Variants in INPP5F observed in about 807,000 individuals in gnomAD.
INPP5F encodes inositol polyphosphate-5-phosphatase F, also known as phosphatidylinositide 4-phosphatase SAC2.
INPP5F carries 97 observed loss-of-function variants against 137.2 expected under a neutral mutation model. That is an observed-to-expected ratio of 0.71 (90% confidence interval 0.60 to 0.84). The LOEUF is 0.84. INPP5F is among the 40% of genes least tolerant of loss of function. INPP5F has a pLI of 0.00. For missense variants in INPP5F, 1,271 were observed against 1,371.9 expected (o/e 0.93, Z 1.16); for synonymous variants, 504 against 476.9 (o/e 1.06, Z -0.74).
chr10:119,790,918 C>T (rs1850118283), intron 3 of INPP5F, among the ~76,000 whole-genome samples: 1 of 152,208 alleles, frequency 6.6e-6, no homozygotes, highest in South Asian at 2.1e-4. Context: ...CGGCACTTCT[C>T]CTGCAGCCCC....
intron 2 of INPP5F, among the ~76,000 whole-genome samples, chr10:119,779,035 G>A (rs1849615410): frequency 6.6e-6 from 1 of 151,916 alleles, no homozygotes; most frequent in African/African-American, 2.4e-5. Flanking sequence ...TCTGTACCCC[G>A]TTTCCACCTA....
intron 6 of INPP5F, among the ~76,000 whole-genome samples, chr10:119,794,030 C>CT (rs1193911496): frequency 6.6e-6 from 1 of 152,132 alleles, no homozygotes; most frequent in Non-Finnish European, 1.5e-5. Flanking sequence ...TTTGCATTTT[C>CT]TTTTTTTATT....
At chr10:119,777,105 G>A (rs985084882) in intron 2 of INPP5F, among the ~76,000 whole-genome samples, 3 of 152,050 alleles carry the variant, frequency 2.0e-5, no homozygotes, top group Admixed American at 6.5e-5. Context: ...TGTGTTGCCA[G>A]GCTGTTTTTG....
intron 15 of INPP5F, among the ~76,000 whole-genome samples, chr10:119,813,055 C>T (rs1269054534): frequency 6.6e-6 from 1 of 152,140 alleles, no homozygotes; most frequent in Non-Finnish European, 1.5e-5. Context: ...CATCTTTCTT[C>T]AGTCAAGTGT....
chr10:119,748,222 C>A lies in INPP5F; in HGVS notation c.98-2854C>A, dbSNP rs1232103281. On this transcript the variant is annotated intron_variant, in intron 1 of 19. Coordinates refer to ENST00000650623, the MANE Select transcript of INPP5F (RefSeq NM_014937.4). The surrounding 1 kb of genome is among the most constrained non-coding windows in gnomAD (Gnocchi z 4.7). ...GTACAGGCACTGGCTTTGTGCAAGG[C>A]TGTGGCTGGACCAGGTGTACCACAA... Among the ~76,000 whole-genome samples the A allele has an allele frequency of 6.6e-6, 1 of 152,212 alleles. No individual in the cohort carries two copies. The highest frequency in any genetic ancestry group is 1.5e-5 in the Non-Finnish European group (1 of 68,044).
chr10:119,771,111 C>T (rs1207289088), intron 2 of INPP5F, among the ~76,000 whole-genome samples: 3 of 152,194 alleles, frequency 2.0e-5, no homozygotes, highest in Non-Finnish European at 4.4e-5. Flanking sequence ...ATTACCCCTA[C>T]ACCAGCTCCT....
At chr10:119,757,804 G>A (rs550952736) in intron 2 of INPP5F, among the ~76,000 whole-genome samples, 8 of 152,006 alleles carry the variant, frequency 5.3e-5, no homozygotes, top group African/African-American at 1.4e-4. Context: ...AAAAAAGAAT[G>A]GTAGTCAATT....
At chr10:119,729,465 G>T (rs1354799757) in intron 1 of INPP5F, among the ~76,000 whole-genome samples, 1 of 151,968 alleles carries the variant, frequency 6.6e-6, no homozygotes, top group Non-Finnish European at 1.5e-5. Flanking sequence ...GGGCTGTTTT[G>T]AATATATTTT....
intron 15 of INPP5F, among the ~76,000 whole-genome samples, chr10:119,818,310 A>G (rs1438082358): frequency 3.3e-5 from 5 of 152,254 alleles, no homozygotes; most frequent in Non-Finnish European, 5.9e-5. Context: ...CGCTAAGCCA[A>G]GTGGTGTTCC....
chr10:119,726,174 C>T lies in INPP5F; in HGVS notation c.-89C>T. 2 of 802,056 alleles carry T rather than the reference C, an allele frequency of 2.5e-6. No individual in the cohort carries two copies. The highest frequency in any genetic ancestry group is 6.3e-5 in the South Asian group (2 of 31,834). 49.7% of individuals were successfully genotyped at this position (802,056 alleles called of 1,614,324 possible). On this transcript the variant is annotated 5_prime_UTR_variant, in exon 1 of 20. Transcript: ENST00000650623. ...GGCGCGGTTCCTACCCGGCCGCTCCCCGAGGCGCGGGCTCTGGCGGCCTCG... is the reference window on the plus strand; with the variant it reads ...GGCGCGGTTCCTACCCGGCCGCTCCTCGAGGCGCGGGCTCTGGCGGCCTCG...
At position 119,801,421 on chromosome 10, in the gene INPP5F, A is replaced by T. The variant is rs564104049; in HGVS notation, c.1117-2752A>T. Reference sequence around the variant, plus strand: ...TGAATGGGGATACACCCAACTGATAACAGGAGTTACCTCCAGGGAGGGCCA... The same window carrying T: ...TGAATGGGGATACACCCAACTGATATCAGGAGTTACCTCCAGGGAGGGCCA... On this transcript the variant is annotated intron_variant, in intron 9 of 19. Transcript: ENST00000650623. Among the ~76,000 whole-genome samples the T allele has an allele frequency of 2.0e-5, 3 of 152,358 alleles. No individual in the cohort carries two copies. The South Asian group carries it at 6.2e-4, about 32-fold the overall frequency.
chr10:119,767,322 T>G (rs755339260), intron 2 of INPP5F, among the ~76,000 whole-genome samples: 21 of 152,202 alleles, frequency 1.4e-4, no homozygotes, highest in Middle Eastern at 3.4e-3. Flanking sequence ...TTAGAGGAGT[T>G]GGTATTCTAA....
chr10:119,812,023 C>A, intron 15 of INPP5F, 68 bp downstream of exon 15: 1 of 1,235,262 alleles, frequency 8.1e-7, no homozygotes. Context: ...ATGATTAACA[C>A]TGGCAGTTGT....
At chr10:119,786,257 C>T (rs561243083) in intron 3 of INPP5F, among the ~76,000 whole-genome samples, 2 of 152,226 alleles carry the variant, frequency 1.3e-5, no homozygotes, top group African/African-American at 2.4e-5. Context: ...TTTGAGATCG[C>T]GTGTTTCAGA....
chr10:119,747,441 ACTC>A (rs1200274104), intron 1 of INPP5F, among the ~76,000 whole-genome samples: 3 of 151,814 alleles, frequency 2.0e-5, no homozygotes, highest in Non-Finnish European at 4.4e-5. Flanking sequence ...GCCAGGCTGA[ACTC>A]CTGGCCTCAA....
rs1366897846 is a variant in INPP5F at position 119,726,465 on chromosome 10, T to TGAGGC, written c.97+108_97+112dup. 1.9e-3 allele frequency: 1,022 copies of TGAGGC among 525,706 alleles called. 1 individual carries two copies. Among genetic ancestry groups the TGAGGC allele is most frequent in the South Asian group, 2.4e-3 (28 of 11,430 alleles). 32.6% of individuals were successfully genotyped at this position (525,706 alleles called of 1,614,324 possible). A position where few individuals can be genotyped will look rare whatever the true frequency, so the allele number is the denominator to read the frequency against. ...CGGGAGGAGCCGCCTGCGGGCCTGG[T>TGAGGC]GAGGCGGGGCGGGGCGGGCTGCGAG... On this transcript the variant is annotated intron_variant, in intron 1 of 19. Coordinates refer to ENST00000650623, the MANE Select transcript of INPP5F (RefSeq NM_014937.4).
At chr10:119,742,273 G>GT (rs1449871894) in intron 1 of INPP5F, among the ~76,000 whole-genome samples, 1 of 151,754 alleles carries the variant, frequency 6.6e-6, no homozygotes, top group Non-Finnish European at 1.5e-5. Flanking sequence ...CTCTACTTTA[G>GT]TTTCCCGAGT....
chr10:119,774,956 G>GT (rs1849475619), intron 2 of INPP5F, among the ~76,000 whole-genome samples: 2 of 151,640 alleles, frequency 1.3e-5, no homozygotes, highest in South Asian at 4.2e-4. Flanking sequence ...CTCGATGTTA[G>GT]TTTTTTTCCT....
intron 17 of INPP5F, 77 bp from the exon 18 acceptor site, chr10:119,822,994 G>T (rs1851621499): frequency 7.2e-7 from 1 of 1,389,658 alleles, no homozygotes; most frequent in Non-Finnish European, 9.8e-7. Flanking sequence ...AGAAAAATGT[G>T]TTGGGTCTTT....
Sources: gnomAD v4.1 joint callset for allele counts (sites outside exome capture counted in the v4.1 genomes callset) on GRCh38, gnomAD v4.1.1 for gene constraint, Gnocchi (gnomAD v3.1) non-coding constraint, MANE v1.5 for transcripts, NCBI Gene and HGNC (gene_info 2026-07-23, HGNC 2026-07-21) for gene names.